The following PSMB7 variants were observed in gnomAD, a reference collection of about 807,000 sequenced individuals.
PSMB7 encodes the protein proteasome 20S subunit beta 7.
A neutral mutation model predicts 28.1 loss-of-function variants in PSMB7; 5 were observed. The observed-to-expected ratio is 0.18, with a 90% CI of 0.09 to 0.37. PSMB7 has a LOEUF of 0.37. Ranked by LOEUF, PSMB7 falls within the 10% of genes least tolerant of loss-of-function variation. PSMB7 has a pLI of 1.00. For synonymous variants in PSMB7, 122 were observed against 123.7 expected, an observed-to-expected ratio of 0.99 and a Z score of 0.09; for missense variants, 275 against 346.2, an observed-to-expected ratio of 0.79 and a Z score of 1.63.
rs1032457936 is a variant in PSMB7 at position 124,415,413 on chromosome 9, A to G, written c.13T>C (p.Ser5Pro). ...CCTCCAACTGGTGGAGCATACACCGACACAGCCGCCATCTTCCCAAGAAAG... is the reference window on the plus strand; with the variant it reads ...CCTCCAACTGGTGGAGCATACACCGGCACAGCCGCCATCTTCCCAAGAAAG... Reference protein sequence around the residue: MAAVSVYAPPVGGFS... With the variant: MAAVPVYAPPVGGFS... The change falls in exon 1 of 8, where the codon TCG becomes CCG. Residue 5 changes from serine (S) to proline (P), a missense_variant. Ser to Pro is a moderately conservative substitution (Grantham distance 74). Transcript: ENST00000259457. 2 of 1,614,144 alleles carry G rather than the reference A, an allele frequency of 1.2e-6. No individual in the cohort carries two copies. Among genetic ancestry groups the G allele is most frequent in the East Asian group, 4.5e-5 (2 of 44,882 alleles).
At position 124,360,640 on chromosome 9, in the gene PSMB7, G is replaced by A. The variant is rs535359379; in HGVS notation, c.571-3725C>T. 3.0e-4 allele frequency among the ~76,000 whole-genome samples: 45 copies of A among 152,340 alleles called. No homozygotes were observed. In the South Asian group the frequency reaches 8.5e-3, roughly 29 times the overall value. ...CAGCAGCTTCCTTTTGCTTTCAGACGCTCAGCTAAAAGATCACCATGACCC... is the reference window on the plus strand; with the variant it reads ...CAGCAGCTTCCTTTTGCTTTCAGACACTCAGCTAAAAGATCACCATGACCC... On this transcript the variant is annotated intron_variant, in intron 6 of 7. Transcript: ENST00000259457.
At chr9:124,403,992 T>C (rs368096996) in intron 5 of PSMB7, among the ~76,000 whole-genome samples, 1 of 151,102 alleles carries the variant, frequency 6.6e-6, no homozygotes, top group East Asian at 2.0e-4. Flanking sequence ...CCTGGGCTCA[T>C]ACAATGCTTC....
chr9:124,396,319 T>C (rs13286252), intron 5 of PSMB7, among the ~76,000 whole-genome samples: 2 of 75,788 alleles, frequency 2.6e-5, no homozygotes, highest in Admixed American at 1.3e-4. Flanking sequence ...ACAGAAAAGG[T>C]TGTACTTTAG....
intron 4 of PSMB7, among the ~76,000 whole-genome samples, chr9:124,410,177 G>A (rs1009822771): frequency 6.6e-6 from 1 of 151,962 alleles, no homozygotes; most frequent in African/African-American, 2.4e-5. Flanking sequence ...TGTAATTTTA[G>A]TAGAGATGGG....
At chr9:124,367,022 G>C (rs535225256) in intron 6 of PSMB7, among the ~76,000 whole-genome samples, 9 of 152,352 alleles carry the variant, frequency 5.9e-5, no homozygotes, top group Non-Finnish European at 8.8e-5. Context: ...ACTATAGTTC[G>C]ACTTGTGCTT....
At chr9:124,355,248 C>T (rs917409773) in intron 7 of PSMB7, among the ~76,000 whole-genome samples, 1 of 152,242 alleles carries the variant, frequency 6.6e-6, no homozygotes, top group South Asian at 2.1e-4. Flanking sequence ...GCTTCTGGGT[C>T]GCCTTGCTGA....
chr9:124,412,526 C>G, intron 3 of PSMB7, 34 bp from the exon 4 acceptor site: 1 of 1,610,700 alleles, frequency 6.2e-7, no homozygotes, highest in Non-Finnish European at 8.5e-7. Context: ...AGCTGAAATC[C>G]AATTACCAGA....
At chr9:124,415,158 G>C in intron 1 of PSMB7, 2 of 640,872 alleles carry the variant, frequency 3.1e-6, no homozygotes, top group Non-Finnish European at 2.7e-6. Context: ...AACGGTGGCC[G>C]AGTGCGCTGG....
intron 3 of PSMB7, among the ~76,000 whole-genome samples, chr9:124,413,637 C>A (rs931708300): frequency 6.6e-6 from 1 of 152,026 alleles, no homozygotes; most frequent in African/African-American, 2.4e-5. Context: ...GAAAAAAGAA[C>A]CCAAACTAGA....
At chr9:124,398,518 G>C in intron 5 of PSMB7, 1 of 317,982 alleles carries the variant, frequency 3.1e-6, no homozygotes. Flanking sequence ...TTGTTTTTGG[G>C]TAGTAAAATT....
chr9:124,353,833 C>CGATCCCAGCTCTGTGATCT (rs1231537880), intron 7 of PSMB7, 124 bp from the exon 8 acceptor site: 5 of 719,022 alleles, frequency 7.0e-6, no homozygotes, highest in African/African-American at 1.8e-5. Context: ...TTGGCTCTCC[C>CGATCCCAGCTCTGTGATCT]GATCCCAGCT....
chr9:124,353,682 C>A lies in PSMB7; in HGVS notation c.750G>T (p.Gly250=), dbSNP rs1830359216. The A allele has an allele frequency of 6.2e-7, 1 of 1,613,806 alleles. No homozygotes were observed. The highest frequency in any genetic ancestry group is 1.7e-5 in the Admixed American group (1 of 60,002). The change falls in exon 8 of 8, where the codon GGG becomes GGT. Residue 250 remains glycine (G), a synonymous_variant. Coordinates refer to ENST00000259457, the MANE Select transcript of PSMB7 (RefSeq NM_002799.4). ...TTTTCTCAGTGAGGACTGCAGTAGTCCCTTTCTCACACCTGTACCGGCCAA... is the reference window on the plus strand; with the variant it reads ...TTTTCTCAGTGAGGACTGCAGTAGTACCTTTCTCACACCTGTACCGGCCAA... ...TRLGRYRCEK[G]TTAVLTEKIT...
intron 4 of PSMB7, among the ~76,000 whole-genome samples, chr9:124,409,245 A>C (rs1345981445): frequency 6.6e-6 from 1 of 152,230 alleles, no homozygotes; most frequent in East Asian, 1.9e-4. Context: ...ATGCTCCCTG[A>C]ATGGCAAAGT....
At chr9:124,411,392 G>A (rs1831026074) in intron 4 of PSMB7, among the ~76,000 whole-genome samples, 3 of 152,228 alleles carry the variant, frequency 2.0e-5, no homozygotes, top group Admixed American at 2.0e-4. Context: ...TGAGCCACCA[G>A]TTTAAAATCT....
chr9:124,406,878 G>T (rs1190502813), intron 4 of PSMB7, among the ~76,000 whole-genome samples: 1 of 151,828 alleles, frequency 6.6e-6, no homozygotes, highest in East Asian at 1.9e-4. Flanking sequence ...TACTCCTAAC[G>T]TGGGAGGCTG....
intron 5 of PSMB7, among the ~76,000 whole-genome samples, chr9:124,384,940 T>G (rs1321498231): frequency 2.6e-5 from 4 of 152,096 alleles, no homozygotes; most frequent in Non-Finnish European, 5.9e-5. Context: ...AGCATGAAAA[T>G]GAGGTTATGG....
chr9:124,362,927 T>C (rs1233247620), intron 6 of PSMB7, among the ~76,000 whole-genome samples: 1 of 152,208 alleles, frequency 6.6e-6, no homozygotes, highest in African/African-American at 2.4e-5. Context: ...TCACTTTGAT[T>C]TGAAATAGCA....
At chr9:124,383,728 C>A (rs1040320041) in intron 6 of PSMB7, 1 of 152,210 alleles carries the variant, frequency 6.6e-6, no homozygotes. Flanking sequence ...CAAAAACCTA[C>A]ATACTAAGAA....
At chr9:124,394,614 C>T (rs1298798190) in intron 5 of PSMB7, among the ~76,000 whole-genome samples, 1 of 152,164 alleles carries the variant, frequency 6.6e-6, no homozygotes, top group East Asian at 1.9e-4. Flanking sequence ...TACATTAATT[C>T]AATACCTCAC....
Sources: allele counts gnomAD v4.1 joint callset (sites outside exome capture counted in the v4.1 genomes callset), GRCh38; gene constraint gnomAD v4.1.1; transcripts MANE v1.5; gene names NCBI Gene and HGNC (gene_info 2026-07-23, HGNC 2026-07-21).